The following XPO6 variants were observed in gnomAD, a reference collection of about 807,000 sequenced individuals.
The protein encoded by XPO6 is exportin 6.
In XPO6, 3 loss-of-function variants were observed where a neutral mutation model predicts 130.0. The observed-to-expected ratio is 0.02, with a 90% CI of 0.01 to 0.06. The LOEUF is 0.06. XPO6 is among the 10% of genes least tolerant of loss of function. The probability of loss-of-function intolerance (pLI) is 1.00; values close to 1 mark genes in which losing one functional copy is unlikely to be tolerated. For synonymous variants in XPO6, 524 were observed against 548.9 expected (o/e 0.95, Z 0.63); for missense variants, 970 against 1,393.0 (o/e 0.70, Z 4.83).
At chr16:28,169,511 G>A (rs949065855) in intron 5 of XPO6, among the ~76,000 whole-genome samples, 1 of 152,198 alleles carries the variant, frequency 6.6e-6, no homozygotes, top group Non-Finnish European at 1.5e-5. Flanking sequence ...CTACCTCACT[G>A]ATCACAGTTA....
intron 9 of XPO6, among the ~76,000 whole-genome samples, chr16:28,140,545 GTTTGTGCCT>G (rs1334847360): frequency 4.6e-5 from 7 of 151,842 alleles, no homozygotes; most frequent in African/African-American, 1.7e-4. Flanking sequence ...GAGTGTGGTG[GTTTGTGCCT>G]GTAATCCCAG....
intron 2 of XPO6, chr16:28,179,307 A>C (rs898716771): frequency 2.6e-5 from 4 of 151,988 alleles, no homozygotes; most frequent in African/African-American, 7.2e-5. Context: ...CAAGTGATCC[A>C]CCCGCCTTGA....
At chr16:28,119,921 G>A (rs780235657) in intron 14 of XPO6, among the ~76,000 whole-genome samples, 1 of 152,076 alleles carries the variant, frequency 6.6e-6, no homozygotes, top group Non-Finnish European at 1.5e-5. Context: ...GCAGTGGTGT[G>A]ATCTCAGCCT....
At chr16:28,137,147 C>G (rs1326099232) in intron 9 of XPO6, among the ~76,000 whole-genome samples, 1 of 152,208 alleles carries the variant, frequency 6.6e-6, no homozygotes, top group East Asian at 1.9e-4. Flanking sequence ...GAGGCAACAC[C>G]CTCTCCTCAA....
intron 1 of XPO6, among the ~76,000 whole-genome samples, chr16:28,183,637 T>G (rs2043651603): frequency 6.6e-6 from 1 of 152,200 alleles, no homozygotes; most frequent in Non-Finnish European, 1.5e-5. Context: ...GCGATCCATG[T>G]AAAACTGCTA....
At chr16:28,199,249 C>T (rs1212326237) in intron 1 of XPO6, among the ~76,000 whole-genome samples, 1 of 152,108 alleles carries the variant, frequency 6.6e-6, no homozygotes, top group Non-Finnish European at 1.5e-5. Context: ...GACATGTGCC[C>T]CTAAAATTAA....
At position 28,152,689 on chromosome 16, in the gene XPO6, C is replaced by A; in HGVS notation, c.1194G>T (p.Leu398Phe). Residue 398 changes from leucine (L) to phenylalanine (F), a missense_variant, in exon 8 of 24, where the codon TTG becomes TTT. This residue lies in a region of XPO6 where 936 missense variants were observed against 1,306.8 expected (regional missense o/e 0.72). Transcript: ENST00000304658. ...GAAATGTGTACTTGAACAAAAGTGT[C>A]AAAAACTCCACCACAGGGAACTGGG... ...SYSQFPVVEF[L>F]TLLFKYTFHQ... is the part of the protein sequence containing the mutation. 6.2e-7 allele frequency: 1 copy of A among 1,612,650 alleles called. No individual in the cohort carries two copies. The highest frequency in any genetic ancestry group is 1.1e-5 in the South Asian group (1 of 90,798).
intron 10 of XPO6, among the ~76,000 whole-genome samples, chr16:28,134,198 C>T (rs2042730657): frequency 6.6e-6 from 1 of 152,206 alleles, no homozygotes; most frequent in African/African-American, 2.4e-5. Flanking sequence ...TGGAGAGCCA[C>T]TTGTGAAATC....
At chr16:28,165,686 C>G (rs1435048415) in intron 6 of XPO6, among the ~76,000 whole-genome samples, 1 of 152,214 alleles carries the variant, frequency 6.6e-6, no homozygotes, top group African/African-American at 2.4e-5. Context: ...CTTCCACAGC[C>G]TATCTCCTTG....
Position 28,207,705 on chromosome 16 carries a change from G to A in XPO6, c.3+3661C>T, listed in dbSNP as rs189223321. Among the ~76,000 whole-genome samples, 6 of 152,252 alleles carry A rather than the reference G, an allele frequency of 3.9e-5. No individual in the cohort carries two copies. In the East Asian group the frequency reaches 5.8e-4, roughly 15 times the overall value. ...GCAGCACCCAAAGAGCACAGGCTCC[G>A]GAGTACAGCACTTTGGGTCTAAATG... is the stretch of plus-strand genomic sequence containing the variant. On this transcript the variant is annotated intron_variant, in intron 1 of 23. Coordinates refer to ENST00000304658, the MANE Select transcript of XPO6 (RefSeq NM_015171.4).
intron 1 of XPO6, among the ~76,000 whole-genome samples, chr16:28,196,618 G>C (rs2043868320): frequency 1.3e-5 from 2 of 152,176 alleles, no homozygotes; most frequent in African/African-American, 2.4e-5. Flanking sequence ...GCCTAAATTT[G>C]ATCCCCAATG....
chr16:28,106,929 G>A lies in XPO6; in HGVS notation c.2498-432C>T, dbSNP rs1333544996. 6.6e-6 allele frequency among the ~76,000 whole-genome samples: 1 copy of A among 152,312 alleles called. No individual in the cohort carries two copies. Among genetic ancestry groups the A allele is most frequent in the East Asian group, 1.9e-4 (1 of 5,184 alleles). ...GTGGTTGAAAGTGGATAATGAAGGTGTATTTAGGTTGCATGGCCCTGGTCC... is the reference window on the plus strand; with the variant it reads ...GTGGTTGAAAGTGGATAATGAAGGTATATTTAGGTTGCATGGCCCTGGTCC... On this transcript the variant is annotated intron_variant, in intron 18 of 23. Transcript: ENST00000304658. The surrounding 1 kb of genome is among the most constrained non-coding windows in gnomAD (Gnocchi z 4.2).
intron 1 of XPO6, among the ~76,000 whole-genome samples, chr16:28,199,674 C>G (rs1020796645): frequency 6.6e-6 from 1 of 152,074 alleles, no homozygotes; most frequent in African/African-American, 2.4e-5. Context: ...TCAAGTGATT[C>G]TCCTGCCTCA....
intron 1 of XPO6, among the ~76,000 whole-genome samples, chr16:28,210,061 C>A (rs1352906745): frequency 6.6e-6 from 1 of 151,418 alleles, no homozygotes; most frequent in Non-Finnish European, 1.5e-5. Context: ...CCCAGGAGGT[C>A]GAGGCTGCAG....
At chr16:28,198,844 T>C (rs2043909382) in intron 1 of XPO6, among the ~76,000 whole-genome samples, 1 of 151,732 alleles carries the variant, frequency 6.6e-6, no homozygotes, top group South Asian at 2.1e-4. Context: ...AAATTACATA[T>C]TTAAAATAAA....
At chr16:28,152,079 T>C (rs2043102698) in intron 8 of XPO6, among the ~76,000 whole-genome samples, 1 of 152,066 alleles carries the variant, frequency 6.6e-6, no homozygotes, top group Non-Finnish European at 1.5e-5. Context: ...TTTTTATGTG[T>C]GTGTGTGTGT....
intron 1 of XPO6, among the ~76,000 whole-genome samples, chr16:28,194,202 G>C (rs1249491710): frequency 6.6e-6 from 1 of 151,736 alleles, no homozygotes; most frequent in Non-Finnish European, 1.5e-5. Context: ...TATTTCACTA[G>C]ATATTTCACT....
intron 1 of XPO6, chr16:28,183,401 G>A (rs545146873): frequency 5.3e-5 from 7 of 133,164 alleles, no homozygotes; most frequent in African/African-American, 1.2e-4. Context: ...TCTTTCCCCC[G>A]TTCTCACTAC....
intron 1 of XPO6, among the ~76,000 whole-genome samples, chr16:28,199,153 T>C (rs1406864139): frequency 6.6e-6 from 1 of 152,066 alleles, no homozygotes; most frequent in Non-Finnish European, 1.5e-5. Flanking sequence ...AAAAATGAAA[T>C]TAAATTAAAT....
Sources: allele counts gnomAD v4.1 joint callset (sites outside exome capture counted in the v4.1 genomes callset), GRCh38; gene constraint gnomAD v4.1.1; regional missense constraint gnomAD v4.1.1; non-coding constraint Gnocchi (gnomAD v3.1); transcripts MANE v1.5; gene names NCBI Gene and HGNC (gene_info 2026-07-23, HGNC 2026-07-21).